The following EPHA6 variants were observed in gnomAD, a reference collection of about 807,000 sequenced individuals.
EPHA6 encodes EPH receptor A6, also known as ephrin type-A receptor 6.
Under a neutral mutation model 112.0 loss-of-function variants are expected in EPHA6, and 50 were observed. The ratio of observed to expected loss-of-function variants is 0.45; its 90% CI spans 0.36 to 0.56. EPHA6 has a LOEUF of 0.56. Among genes scored for constraint, EPHA6 ranks in the 20% least tolerant of loss-of-function variants. EPHA6 has a pLI of 0.00. For missense variants in EPHA6, 1,280 were observed against 1,417.4 expected (o/e 0.90, Z 1.56); for synonymous variants, 529 against 490.7 (o/e 1.08, Z -1.03).
intron 12 of EPHA6, among the ~76,000 whole-genome samples, chr3:97,593,847 T>C (rs1168576296): frequency 1.3e-5 from 2 of 152,190 alleles, no homozygotes; most frequent in Non-Finnish European, 2.9e-5. Context: ...TGGCCAAGAA[T>C]ACCACTGAAA....
In EPHA6 at chr3:97,366,921, A is replaced by G. The variant is rs114888757; in HGVS notation, c.1607-38229A>G. ...GAGCTGCATTTACTAAGCACTTACC[A>G]CATGCCAGGAACTATTCTCAGCGCT... On this transcript the variant is annotated intron_variant, in intron 5 of 17. Transcript: ENST00000389672. 9.8e-3 allele frequency among the ~76,000 whole-genome samples: 1,488 copies of G among 152,320 alleles called. 12 individuals are homozygous for G. Among genetic ancestry groups the G allele is most frequent in the Non-Finnish European group, 0.014 (972 of 68,020 alleles).
chr3:97,711,425 A>ATC (rs1559619976), intron 14 of EPHA6, among the ~76,000 whole-genome samples: 1 of 151,950 alleles, frequency 6.6e-6, no homozygotes, highest in Non-Finnish European at 1.5e-5. Context: ...ATATATATAT[A>ATC]TAATTATGGG....
At chr3:96,887,140 T>C (rs1007342463) in intron 2 of EPHA6, among the ~76,000 whole-genome samples, 36 of 151,818 alleles carry the variant, frequency 2.4e-4, no homozygotes, top group African/African-American at 8.5e-4. Flanking sequence ...TGTGATTTGG[T>C]TGGGGGGGCG....
At chr3:96,822,954 G>A (rs2033381201) in intron 1 of EPHA6, among the ~76,000 whole-genome samples, 1 of 151,352 alleles carries the variant, frequency 6.6e-6, no homozygotes, top group South Asian at 2.1e-4. Flanking sequence ...ATTATATTTA[G>A]ATGTATTTAA....
At chr3:97,321,176 T>A (rs2082102437) in intron 5 of EPHA6, among the ~76,000 whole-genome samples, 1 of 148,870 alleles carries the variant, frequency 6.7e-6, no homozygotes, top group African/African-American at 2.6e-5. Context: ...GTAGGCTGGA[T>A]TCATCAATGC....
At chr3:97,282,022 T>C (rs2080303004) in intron 5 of EPHA6, among the ~76,000 whole-genome samples, 1 of 152,240 alleles carries the variant, frequency 6.6e-6, no homozygotes, top group African/African-American at 2.4e-5. Flanking sequence ...TATATGATTC[T>C]ATAGTTCCTT....
chr3:96,869,783 G>A (rs2036534047), intron 2 of EPHA6, among the ~76,000 whole-genome samples: 1 of 152,024 alleles, frequency 6.6e-6, no homozygotes, highest in Non-Finnish European at 1.5e-5. Context: ...TTCAACAGTG[G>A]AGTACCTGTT....
At chr3:97,469,809 G>A (rs1004926627) in intron 7 of EPHA6, among the ~76,000 whole-genome samples, 74 of 151,650 alleles carry the variant, frequency 4.9e-4, no homozygotes, top group Admixed American at 5.9e-4. Context: ...TCCATATAAC[G>A]TGGATGTATT....
At chr3:97,549,322 C>T (rs1186727698) in intron 11 of EPHA6, among the ~76,000 whole-genome samples, 1 of 151,852 alleles carries the variant, frequency 6.6e-6, no homozygotes, top group Non-Finnish European at 1.5e-5. Flanking sequence ...GCTAATGTTG[C>T]CAGGAAGAGG....
chr3:96,984,786 G>A (rs1164029429), intron 2 of EPHA6, among the ~76,000 whole-genome samples: 1 of 152,214 alleles, frequency 6.6e-6, no homozygotes, highest in Non-Finnish European at 1.5e-5. Flanking sequence ...CTGCCTTGCA[G>A]TTTGATCTCA....
Position 97,756,270 on chromosome 3 carries a change from C to A in EPHA6, c.*7569C>A, listed in dbSNP as rs906790622. ...ATTGTAGCCTTTAGAAGCTCTATAA[C>A]AAAAATCAATGGCCAATAACTTGCT... On this transcript the variant is annotated 3_prime_UTR_variant, in exon 18 of 18. Transcript: ENST00000389672. Among the ~76,000 whole-genome samples, 5 of 151,824 alleles carry A rather than the reference C, an allele frequency of 3.3e-5. No individual in the cohort carries two copies. The highest frequency in any genetic ancestry group is 7.4e-5 in the Non-Finnish European group (5 of 67,802).
chr3:97,663,595 T>C (rs1452451806), intron 14 of EPHA6, among the ~76,000 whole-genome samples: 1 of 151,932 alleles, frequency 6.6e-6, no homozygotes, highest in Non-Finnish European at 1.5e-5. Flanking sequence ...TTTGGTTTTT[T>C]GTCCTTGCAG....
chr3:97,461,621 G>A (rs1423505760), intron 7 of EPHA6, among the ~76,000 whole-genome samples: 1 of 152,038 alleles, frequency 6.6e-6, no homozygotes, highest in East Asian at 1.9e-4. Flanking sequence ...TTACCTTCTT[G>A]CATATAGATA....
intron 11 of EPHA6, among the ~76,000 whole-genome samples, chr3:97,559,867 T>C (rs1156446941): frequency 1.3e-5 from 2 of 151,906 alleles, no homozygotes; most frequent in East Asian, 3.9e-4. Context: ...CATATTTTGA[T>C]TAAAAGGCCA....
chr3:97,415,756 A>G (rs2107156920), intron 6 of EPHA6, among the ~76,000 whole-genome samples: 1 of 152,204 alleles, frequency 6.6e-6, no homozygotes, highest in Non-Finnish European at 1.5e-5. Flanking sequence ...AAATTAAATG[A>G]TCAGTAACAA....
chr3:97,696,481 C>T (rs769397897), intron 14 of EPHA6, among the ~76,000 whole-genome samples: 29 of 152,152 alleles, frequency 1.9e-4, no homozygotes, highest in Non-Finnish European at 3.7e-4. Flanking sequence ...TCATTAATCT[C>T]TGTTTTCTAG....
At chr3:96,968,109 A>G (rs2042192812) in intron 2 of EPHA6, among the ~76,000 whole-genome samples, 1 of 151,352 alleles carries the variant, frequency 6.6e-6, no homozygotes, top group Admixed American at 6.6e-5. Context: ...TCGGGTGTAT[A>G]TAATTATTTA....
Position 96,987,540 on chromosome 3 carries a change from C to T in EPHA6, c.661C>T (p.Leu221=). 1 of 1,613,862 alleles carries T rather than the reference C, an allele frequency of 6.2e-7. No individual in the cohort carries two copies. The highest frequency in any genetic ancestry group is 1.3e-5 in the African/African-American group (1 of 74,994). The change falls in exon 3 of 18, where the codon CTG becomes TTG. Residue 221 remains leucine, a synonymous_variant. Coordinates refer to ENST00000389672, the MANE Select transcript of EPHA6 (RefSeq NM_001080448.3). The stretch of plus-strand genomic sequence containing the variant: ...GGGGACTTGCAAAGAAACATTTAAT[C>T]TGTTTTATATGGAATCAGATGAGTC... ...VLGTCKETFN[L]FYMESDESHG... is the part of the protein sequence containing the mutation.
chr3:97,360,730 G>T (rs932418940), intron 5 of EPHA6, among the ~76,000 whole-genome samples: 1 of 152,134 alleles, frequency 6.6e-6, no homozygotes, highest in Non-Finnish European at 1.5e-5. Context: ...GCATTTAGAA[G>T]ATAATGTATG....
Sources: allele counts gnomAD v4.1 joint callset (sites outside exome capture counted in the v4.1 genomes callset), GRCh38; gene constraint gnomAD v4.1.1; transcripts MANE v1.5; gene names NCBI Gene and HGNC (gene_info 2026-07-23, HGNC 2026-07-21).